TSPYL1: variants seen among roughly 807,000 people sequenced by gnomAD.
TSPYL1 encodes testis-specific Y-encoded-like protein 1.
TSPYL1 carries 16 observed loss-of-function variants against 20.1 expected under a neutral mutation model. That is an observed-to-expected ratio of 0.80 (90% CI 0.54 to 1.21). The LOEUF is 1.21. Ranked by LOEUF, TSPYL1 falls within the 50% of genes most tolerant of loss-of-function variation. The pLI is 0.00. For synonymous variants in TSPYL1, 259 were observed against 227.1 expected, an observed-to-expected ratio of 1.14 and a Z score of -1.26; for missense variants, 560 against 569.3, an observed-to-expected ratio of 0.98 and a Z score of 0.17.
At position 116,275,215 on chromosome 6, in the gene TSPYL1, A is replaced by G. The variant is rs1445101592; in HGVS notation, c.*3302T>C. Among the ~76,000 whole-genome samples, 1 of 152,226 alleles carries G rather than the reference A, an allele frequency of 6.6e-6. No individual in the cohort carries two copies. Among genetic ancestry groups the G allele is most frequent in the African/African-American group, 2.4e-5 (1 of 41,462 alleles). ...ATTGGACAACACACATCTAGAGTCT[A>G]ACCCCCTTCTATCTCCAGTATAATC... On this transcript the variant is annotated 3_prime_UTR_variant, in exon 1 of 1. Coordinates refer to ENST00000368608, the MANE Select transcript of TSPYL1 (RefSeq NM_003309.4).
rs768052382 is a variant in TSPYL1 at position 116,278,686 on chromosome 6, G to C, written c.1145C>G (p.Ser382Ter). Residue 382 changes from serine to a stop codon, truncating the protein, a stop_gained, in exon 1 of 1, where the codon TCA becomes TGA. Transcript: ENST00000368608. LOFTEE classifies it high-confidence loss of function. The part of the protein sequence containing the change: ...DLICSFFTWF[S>*]DHSLPESDKI... ...GTCGGACTCTGGAAGGCTGTGGTCT[G>C]AAAACCAAGTGAAGAAGCTGCAGAT... is the stretch of plus-strand genomic sequence containing the variant. 1 of 1,614,172 alleles carries C rather than the reference G, an allele frequency of 6.2e-7. No individual in the cohort carries two copies. Among genetic ancestry groups the C allele is most frequent in the Non-Finnish European group, 8.5e-7 (1 of 1,180,030 alleles).
rs141673529 is a variant in TSPYL1, at chr6:116,276,293, A to G, written c.*2224T>C. 5.1e-4 allele frequency among the ~76,000 whole-genome samples: 77 copies of G among 152,356 alleles called. 1 individual carries two copies. The East Asian group carries it at 0.012, about 23-fold the overall frequency. On this transcript the variant is annotated 3_prime_UTR_variant, in exon 1 of 1. Transcript: ENST00000368608. ...ATCACATATGATAGGTACTCCCTGC[A>G]TACAAGTTAATAAAAAGAAGAGCCT...
Position 116,279,009 on chromosome 6 carries a change from A to T in TSPYL1, c.822T>A (p.Asn274Lys), listed in dbSNP as rs777325662. The T allele has an allele frequency of 6.2e-7, 1 of 1,613,972 alleles. No individual in the cohort carries two copies. ...AAGCAGTCATCCAGAAGCCCGGGAT[A>T]TTCTGAATGATGTAGTTCCTCCGCT... is the stretch of plus-strand genomic sequence containing the variant. ...YLERRNYIIQ[N>K]IPGFWMTAFR... Residue 274 changes from asparagine to lysine, a missense_variant, in exon 1 of 1, where the codon AAT becomes AAA. Transcript: ENST00000368608.
chr6:116,279,055 C>G lies in TSPYL1; in HGVS notation c.776G>C (p.Arg259Pro), dbSNP rs1283911192. ...AFQQLEHKFG[R>P]MRRHYLERRN... ...CCGCTCCAGGTAGTGTCGACGCATC[C>G]GCCCAAACTTGTGCTCCAGCTGTTG... Residue 259 changes from arginine to proline, a missense_variant, in exon 1 of 1, where the codon CGG becomes CCG. Coordinates refer to ENST00000368608, the MANE Select transcript of TSPYL1 (RefSeq NM_003309.4). 6.2e-7 allele frequency: 1 copy of G among 1,613,182 alleles called. No homozygotes were observed. Among genetic ancestry groups the G allele is most frequent in the South Asian group, 1.1e-5 (1 of 91,074 alleles).
At position 116,278,460 on chromosome 6, in the gene TSPYL1, C is replaced by A; in HGVS notation, c.*57G>T. 6.2e-7 allele frequency: 1 copy of A among 1,610,906 alleles called. No individual in the cohort carries two copies. Among genetic ancestry groups the A allele is most frequent in the East Asian group, 2.2e-5 (1 of 44,864 alleles). On this transcript the variant is annotated 3_prime_UTR_variant, in exon 1 of 1. Coordinates refer to ENST00000368608, the MANE Select transcript of TSPYL1 (RefSeq NM_003309.4). ...CATACTCATTGCTGATGCCCAAGCACAGGTCCAGCAGAAGGTGGTAGGAGA... is the reference window on the plus strand; with the variant it reads ...CATACTCATTGCTGATGCCCAAGCAAAGGTCCAGCAGAAGGTGGTAGGAGA...
Position 116,278,535 on chromosome 6 carries a change from A to G in TSPYL1, c.1296T>C (p.Phe432=). The change falls in exon 1 of 1, where the codon TTT becomes TTC. Residue 432 remains phenylalanine, a synonymous_variant. Transcript: ENST00000368608. ...LREPVEIPRP[F]GFQSG ...GCAAATGTTAACCAGACTGGAACCC[A>G]AAGGGCCTGGGGATCTCTACAGGCT... is the stretch of plus-strand genomic sequence containing the variant. The G allele has an allele frequency of 3.7e-6, 6 of 1,614,144 alleles. No homozygotes were observed. The highest frequency in any genetic ancestry group is 5.1e-6 in the Non-Finnish European group (6 of 1,180,028).
At position 116,277,574 on chromosome 6, in the gene TSPYL1, C is replaced by A. The variant is rs1040738491; in HGVS notation, c.*943G>T. 6.6e-6 allele frequency: 1 copy of A among 152,206 alleles called. No individual in the cohort carries two copies. The highest frequency in any genetic ancestry group is 2.4e-5 in the African/African-American group (1 of 41,450). 9.4% of individuals were successfully genotyped at this position (152,206 alleles called of 1,614,324 possible). ...AGCACTCTATTTTACAGGCCAACTT[C>A]TTTGCCTCTGAAAATGACAGAGCCA... is the stretch of plus-strand genomic sequence containing the variant. On this transcript the variant is annotated 3_prime_UTR_variant, in exon 1 of 1. Transcript: ENST00000368608.
rs761528421 is a variant in TSPYL1 at position 116,279,625 on chromosome 6, C to T, written c.206G>A (p.Gly69Asp). 2.5e-6 allele frequency: 4 copies of T among 1,603,226 alleles called. No homozygotes were observed. Among genetic ancestry groups the T allele is most frequent in the Non-Finnish European group, 3.4e-6 (4 of 1,179,618 alleles). Residue 69 changes from glycine (G) to aspartate (D), a missense_variant, in exon 1 of 1, where the codon GGC becomes GAC. Physicochemically the swap from Gly to Asp is moderately conservative, Grantham distance 94. Transcript: ENST00000368608. ...LPPPPPSEEG[G>D]VPQDAAGRGG... ...ACGGCCCGCGGCATCCTGGGGTACG[C>T]CCCCCTCCTCTGAAGGCGGTGGAGG...
Position 116,278,888 on chromosome 6 carries a change from G to A in TSPYL1, c.943C>T (p.Pro315Ser). 1 of 1,614,048 alleles carries A rather than the reference G, an allele frequency of 6.2e-7. No individual in the cohort carries two copies. Among genetic ancestry groups the A allele is most frequent in the East Asian group, 2.2e-5 (1 of 44,876 alleles). Residue 315 changes from proline (P) to serine (S), a missense_variant, in exon 1 of 1, where the codon CCT (proline) becomes TCT (serine). By Grantham distance (74) the Pro-to-Ser change is moderately conservative. Coordinates refer to ENST00000368608, the MANE Select transcript of TSPYL1 (RefSeq NM_003309.4). ...AACTTGAACTTGCAACCGGTTCTAG[G>A]GTGTCTGAGTTCCTTCACCTCTAAA... Reference protein sequence around the residue: ...TNLEVKELRHPRTGCKFKFFF... With the variant: ...TNLEVKELRHSRTGCKFKFFF...
Position 116,279,290 on chromosome 6 carries a change from C to T in TSPYL1, c.541G>A (p.Ala181Thr), listed in dbSNP as rs3749894. ...TGCTCCTCCATTACCTCCTTCTCCG[C>T]CAGGCCTTCCTTCACCACCTCAGCG... ...ESAEVVKEGLAEKEVMEEQME... is the reference protein window; with the variant it reads ...ESAEVVKEGLTEKEVMEEQME... Residue 181 changes from alanine to threonine, a missense_variant, in exon 1 of 1, where the codon GCG becomes ACG. Ala to Thr is a moderately conservative substitution (Grantham distance 58). Coordinates refer to ENST00000368608, the MANE Select transcript of TSPYL1 (RefSeq NM_003309.4). 238,588 of 1,565,222 alleles carry T rather than the reference C, an allele frequency of 0.15. 18,744 individuals are homozygous for T. The highest frequency in any genetic ancestry group is 0.31 in the African/African-American group (18,054 of 58,770).
At position 116,275,798 on chromosome 6, in the gene TSPYL1, CA is replaced by C. The variant is rs386408358; in HGVS notation, c.*2718del. 2.2e-3 allele frequency among the ~76,000 whole-genome samples: 237 copies of C among 105,460 alleles called. 1 individual carries two copies. Among genetic ancestry groups the C allele is most frequent in the Middle Eastern group, 5.7e-3 (1 of 176 alleles). The allele number at this position is 105,460 out of a possible 152,430, so 69.2% of individuals were successfully genotyped here. The stretch of plus-strand genomic sequence containing the variant: ...CCTGGGCAAGAGTGGGACTCTATCT[CA>C]AAAAAAAAAAAAAAAAATGCTAGAT... On this transcript the variant is annotated 3_prime_UTR_variant, in exon 1 of 1. Transcript: ENST00000368608.
In TSPYL1 at chr6:116,279,707, C is replaced by A. The variant is rs1393709931; in HGVS notation, c.124G>T (p.Ala42Ser). 6.2e-7 allele frequency: 1 copy of A among 1,611,152 alleles called. No homozygotes were observed. Among genetic ancestry groups the A allele is most frequent in the East Asian group, 2.2e-5 (1 of 44,882 alleles). Reference protein sequence around the residue: ...QYLRLRDQSEATQVMAEPGEG... With the variant: ...QYLRLRDQSESTQVMAEPGEG... ...CCCGGCTCCGCCATCACCTGTGTCG[C>A]CTCGCTTTGGTCGCGGAGCCTCAGG... Residue 42 changes from alanine (A) to serine (S), a missense_variant, in exon 1 of 1, where the codon GCG (alanine) becomes TCG (serine). Transcript: ENST00000368608.
rs761711631 is a variant in TSPYL1, at chr6:116,278,698, A to C, written c.1133T>G (p.Phe378Cys). The change falls in exon 1 of 1, where the codon TTC becomes TGC. Residue 378 changes from phenylalanine (F) to cysteine (C), a missense_variant. Coordinates refer to ENST00000368608, the MANE Select transcript of TSPYL1 (RefSeq NM_003309.4). Reference sequence around the variant, plus strand: ...AAGGCTGTGGTCTGAAAACCAAGTGAAGAAGCTGCAGATGAGGTCTTGGTT... The same window carrying C: ...AAGGCTGTGGTCTGAAAACCAAGTGCAGAAGCTGCAGATGAGGTCTTGGTT... ...RRNQDLICSFFTWFSDHSLPE... is the reference protein window; with the variant it reads ...RRNQDLICSFCTWFSDHSLPE... 6.2e-7 allele frequency: 1 copy of C among 1,614,146 alleles called. No homozygotes were observed. The highest frequency in any genetic ancestry group is 2.2e-5 in the East Asian group (1 of 44,882).
Position 116,279,165 on chromosome 6 carries a change from AGGCCAGG to A in TSPYL1, c.659_665del (p.Pro220LeufsTer21). 6.2e-7 allele frequency: 1 copy of A among 1,613,546 alleles called. No individual in the cohort carries two copies. Among genetic ancestry groups the A allele is most frequent in the South Asian group, 1.1e-5 (1 of 91,072 alleles). ...GGTCCATGCGGAGAGCCTCATGCAAAGGCCAGGGCCCTTCTTCCTCCCTCGCCTCCTC... is the reference window on the plus strand; with the variant it reads ...GGTCCATGCGGAGAGCCTCATGCAAAGCCCTTCTTCCTCCCTCGCCTCCTC... On this transcript the variant is annotated frameshift_variant, in exon 1 of 1. Coordinates refer to ENST00000368608, the MANE Select transcript of TSPYL1 (RefSeq NM_003309.4). LOFTEE classifies it high-confidence loss of function.
Position 116,279,122 on chromosome 6 carries a change from G to A in TSPYL1, c.709C>T (p.Leu237=), listed in dbSNP as rs544858202. ...LRMDPLEAIQ[L]ELDTVNAQAD... ...TGAGCATTCACAGTGTCCAGTTCCA[G>A]CTGGATGGCCTCCAGAGGGTCCATG... The change falls in exon 1 of 1, where the codon CTG becomes TTG. Residue 237 remains leucine, a synonymous_variant. Coordinates refer to ENST00000368608, the MANE Select transcript of TSPYL1 (RefSeq NM_003309.4). 2.2e-5 allele frequency: 35 copies of A among 1,614,112 alleles called. 1 individual carries two copies. In the South Asian group the frequency reaches 3.8e-4, roughly 18 times the overall value.
rs1773253139 is a variant in TSPYL1 at position 116,278,123 on chromosome 6, A to G, written c.*394T>C. 6.8e-6 allele frequency: 2 copies of G among 296,106 alleles called. No homozygotes were observed. The highest frequency in any genetic ancestry group is 6.4e-5 in the South Asian group (2 of 31,066). 18.3% of individuals were successfully genotyped at this position (296,106 alleles called of 1,614,324 possible). ...ACAGGGCATGTGCCCATACTGCTCA[A>G]TGCAGAGCTGAGTAGGTGGAACAGG... On this transcript the variant is annotated 3_prime_UTR_variant, in exon 1 of 1. Transcript: ENST00000368608.
rs373024891 is a variant in TSPYL1 at position 116,279,208 on chromosome 6, T to C, written c.623A>G (p.Asp208Gly). The part of the protein sequence containing the change: ...EGEEIEVAEE[D>G]RLEEEAREEE... ...CTCCCTCGCCTCCTCCTCCAATCTA[T>C]CCTCCTCCGCCACTTCTATTTCTTC... Residue 208 changes from aspartate to glycine, a missense_variant, in exon 1 of 1, where the codon GAT becomes GGT. Transcript: ENST00000368608. The C allele has an allele frequency of 6.2e-7, 1 of 1,609,934 alleles. No homozygotes were observed. The highest frequency in any genetic ancestry group is 2.2e-5 in the East Asian group (1 of 44,842).
rs186404405 is a variant in TSPYL1 at position 116,276,533 on chromosome 6, T to A, written c.*1984A>T. The A allele has an allele frequency of 1.5e-3, 222 of 152,344 alleles. 1 individual carries two copies. The highest frequency in any genetic ancestry group is 5.1e-3 in the African/African-American group (212 of 41,578). The allele number at this position is 152,344 out of a possible 1,614,324, so 9.4% of individuals were successfully genotyped here. A position where few individuals can be genotyped will look rare whatever the true frequency, so the allele number is the denominator to read the frequency against. On this transcript the variant is annotated 3_prime_UTR_variant, in exon 1 of 1. Transcript: ENST00000368608. ...GTCTATTGTGTCCATTTAAGGACTT[T>A]AATGATTCTGTAATTTTTAGTTAAC...
Position 116,277,935 on chromosome 6 carries a change from GGAAAAC to G in TSPYL1, c.*576_*581del, listed in dbSNP as rs1280782713. 2.2e-5 allele frequency: 3 copies of G among 136,260 alleles called. No homozygotes were observed. The highest frequency in any genetic ancestry group is 8.3e-5 in the African/African-American group (3 of 36,062). 8.4% of individuals were successfully genotyped at this position (136,260 alleles called of 1,614,324 possible). On this transcript the variant is annotated 3_prime_UTR_variant, in exon 1 of 1. Transcript: ENST00000368608. The stretch of plus-strand genomic sequence containing the variant: ...AAAAAAAAAAAAAAAAAAAAAAAAA[GGAAAAC>G]AGGGAGAGAGAGGGACCTTGGCAGG...
Sources: gnomAD v4.1 joint callset for allele counts (sites outside exome capture counted in the v4.1 genomes callset) on GRCh38, gnomAD v4.1.1 for gene constraint, MANE v1.5 for transcripts, NCBI Gene and HGNC (gene_info 2026-07-23, HGNC 2026-07-21) for gene names.